The following TIMM10 variants were observed in gnomAD, a reference collection of about 807,000 sequenced individuals.
TIMM10 encodes mitochondrial import inner membrane translocase subunit Tim10.
Under a neutral mutation model 9.1 loss-of-function variants are expected in TIMM10, and 13 were observed. The ratio of observed to expected loss-of-function variants is 1.42; its 90% CI spans 0.93 to 2.26. TIMM10 has a LOEUF of 2.26. Ranked by LOEUF, TIMM10 falls within the 30% of genes most tolerant of loss-of-function variation. TIMM10 has a pLI of 0.00. For missense variants in TIMM10, 82 were observed against 113.6 expected, an observed-to-expected ratio of 0.72 and a Z score of 1.26; for synonymous variants, 40 against 42.1, an observed-to-expected ratio of 0.95 and a Z score of 0.20.
chr11:57,530,076 A>G lies in TIMM10; in HGVS notation c.71+43T>C. On this transcript the variant is annotated intron_variant, in intron 2 of 2. Transcript: ENST00000257245. ...TCATTCACCTTCGATAAGGGTGACC[A>G]AGACTTATTTTCCAAGACAGGGTAG... 5 of 1,607,782 alleles carry G rather than the reference A, an allele frequency of 3.1e-6. No individual in the cohort carries two copies. In the Middle Eastern group the frequency reaches 5.0e-4, roughly 160 times the overall value.
At position 57,528,733 on chromosome 11, in the gene TIMM10, C is replaced by T. The variant is rs765229184; in HGVS notation, c.257G>A (p.Ser86Asn). The T allele has an allele frequency of 3.1e-6, 5 of 1,613,700 alleles. No individual in the cohort carries two copies. Among genetic ancestry groups the T allele is most frequent in the Non-Finnish European group, 2.5e-6 (3 of 1,180,016 alleles). The change falls in exon 3 of 3, where the codon AGC becomes AAC. Residue 86 changes from serine to asparagine, a missense_variant. Physicochemically the swap from Ser to Asn is conservative, Grantham distance 46 (BLOSUM62 1). Transcript: ENST00000257245. ...DEELMKRVQQ[S>N]SGPA ...ACAGGGACCTCATGCAGGCCCAGAG[C>T]TCTGCTGCACCCTCTTCATCAGCTC...
chr11:57,530,481 C>A (rs1944788076), intron 1 of TIMM10, among the ~76,000 whole-genome samples, 177 bp downstream of exon 1: 1 of 152,198 alleles, frequency 6.6e-6, no homozygotes, highest in Admixed American at 6.5e-5. Context: ...CACCTCTATT[C>A]AGGAGATCGA....
rs10547275 is a variant in TIMM10 at position 57,528,483 on chromosome 11, TTATATATA to T, written c.*226_*233del. 89,178 of 150,138 alleles carry T rather than the reference TTATATATA, an allele frequency of 0.59. 25,781 individuals carry two copies. The highest frequency in any genetic ancestry group is 0.75 in the East Asian group (4,097 of 5,450). The allele number at this position is 150,138 out of a possible 1,614,324, so 9.3% of individuals were successfully genotyped here. A position where few individuals can be genotyped will look rare whatever the true frequency, so the allele number is the denominator to read the frequency against. On this transcript the variant is annotated 3_prime_UTR_variant, in exon 3 of 3. Transcript: ENST00000257245. ...ACATAGTAGGTGTCAACAAACTTGT[TTATATATA>T]TATATATATATATATATATATATAT...
intron 2 of TIMM10, 56 bp from the exon 3 acceptor site, chr11:57,528,974 C>T: frequency 6.3e-7 from 1 of 1,579,628 alleles, no homozygotes. Flanking sequence ...ATCCCAGGAA[C>T]CTTGACCATT....
chr11:57,529,020 A>G lies in TIMM10; in HGVS notation c.72-102T>C, dbSNP rs534036069. On this transcript the variant is annotated intron_variant, in intron 2 of 2. Coordinates refer to ENST00000257245, the MANE Select transcript of TIMM10 (RefSeq NM_012456.3). ...TATATTGATTTCACCTCCCCCAAGA[A>G]AGCAGTGTAAATCCTCAGTTTACAC... 2.0e-4 allele frequency: 254 copies of G among 1,245,844 alleles called. 4 individuals are homozygous for G. In the South Asian group the frequency reaches 3.1e-3, roughly 15 times the overall value. The allele number at this position is 1,245,844 out of a possible 1,614,324, so 77.2% of individuals were successfully genotyped here.
intron 2 of TIMM10, 21 bp from the exon 3 acceptor site, chr11:57,528,939 G>A (rs1254773679): frequency 6.2e-7 from 1 of 1,611,908 alleles, no homozygotes; most frequent in South Asian, 1.1e-5. Context: ...GGAGGGGCAA[G>A]GTCATGTCAG....
At position 57,530,736 on chromosome 11, in the gene TIMM10, G is replaced by A. The variant is rs893616048; in HGVS notation, c.-124C>T. On this transcript the variant is annotated 5_prime_UTR_variant, in exon 1 of 3. Coordinates refer to ENST00000257245, the MANE Select transcript of TIMM10 (RefSeq NM_012456.3). ...CTATAACGTTACCCGCCTCCCGAGA[G>A]GCTCCAGCGGAAGCACGTGGGTTAC... The A allele has an allele frequency of 2.0e-5, 3 of 152,678 alleles. No homozygotes were observed. Among genetic ancestry groups the A allele is most frequent in the African/African-American group, 7.2e-5 (3 of 41,470 alleles). The allele number at this position is 152,678 out of a possible 1,614,324, so 9.5% of individuals were successfully genotyped here.
At chr11:57,530,522 C>G in intron 1 of TIMM10, 136 bp downstream of exon 1, 1 of 304,188 alleles carries the variant, frequency 3.3e-6, no homozygotes, top group Non-Finnish European at 6.5e-6. Flanking sequence ...AACCCACGAA[C>G]CTGAACCTCC....
intron 2 of TIMM10, 74 bp from the exon 3 acceptor site, chr11:57,528,992 T>A: frequency 6.7e-7 from 1 of 1,491,550 alleles, no homozygotes; most frequent in Non-Finnish European, 9.3e-7. Context: ...ATTCCAGCCC[T>A]GCTATATTGA....
chr11:57,529,061 GTCCT>G, intron 2 of TIMM10, 143 bp from the exon 3 acceptor site: 1 of 829,264 alleles, frequency 1.2e-6, no homozygotes. Context: ...CCACTGGAAG[GTCCT>G]TGCAAGTAGG....
rs368127086 is a variant in TIMM10 at position 57,530,096 on chromosome 11, G to C, written c.71+23C>G. Reference sequence around the variant, plus strand: ...TGACCAAGACTTATTTTCCAAGACAGGGTAGCACATAGTTCTCTTTACCTG... The same window carrying C: ...TGACCAAGACTTATTTTCCAAGACACGGTAGCACATAGTTCTCTTTACCTG... On this transcript the variant is annotated intron_variant, in intron 2 of 2. Transcript: ENST00000257245. 1.2e-5 allele frequency: 19 copies of C among 1,612,922 alleles called. 1 individual carries two copies. The South Asian group carries it at 1.2e-4, about 10-fold the overall frequency.
In TIMM10 at chr11:57,528,689, C is replaced by T; in HGVS notation, c.*28G>A. ...TATTAAAGTGGGAAGGGGTGGGGTA[C>T]ACCCCAGGGTGTATACTGACAGGGA... is the stretch of plus-strand genomic sequence containing the variant. On this transcript the variant is annotated 3_prime_UTR_variant, in exon 3 of 3. Coordinates refer to ENST00000257245, the MANE Select transcript of TIMM10 (RefSeq NM_012456.3). The T allele has an allele frequency of 1.2e-6, 2 of 1,606,908 alleles. No homozygotes were observed. Among genetic ancestry groups the T allele is most frequent in the East Asian group, 2.2e-5 (1 of 44,820 alleles).
Position 57,528,521 on chromosome 11 carries a change from A to G in TIMM10, c.*196T>C, listed in dbSNP as rs2135252001. On this transcript the variant is annotated 3_prime_UTR_variant, in exon 3 of 3. Coordinates refer to ENST00000257245, the MANE Select transcript of TIMM10 (RefSeq NM_012456.3). ...TATATATATATATATATATATACAC[A>G]TACATACACACACAGTCACATTCCA... 7.1e-6 allele frequency: 3 copies of G among 422,660 alleles called. No homozygotes were observed. The highest frequency in any genetic ancestry group is 2.0e-5 in the African/African-American group (1 of 49,220). 26.2% of individuals were successfully genotyped at this position (422,660 alleles called of 1,614,324 possible). A position where few individuals can be genotyped will look rare whatever the true frequency, so the allele number is the denominator to read the frequency against.
Position 57,528,483 on chromosome 11 carries a change from TTATATATATATATATATATA to T in TIMM10, c.*214_*233del, listed in dbSNP as rs10547275. 5.3e-5 allele frequency: 8 copies of T among 150,344 alleles called. No individual in the cohort carries two copies. The highest frequency in any genetic ancestry group is 2.8e-4 in the Admixed American group (4 of 14,112). 9.3% of individuals were successfully genotyped at this position (150,344 alleles called of 1,614,324 possible). A position where few individuals can be genotyped will look rare whatever the true frequency, so the allele number is the denominator to read the frequency against. ...ACATAGTAGGTGTCAACAAACTTGT[TTATATATATATATATATATA>T]TATATATATATATACACATACATAC... On this transcript the variant is annotated 3_prime_UTR_variant, in exon 3 of 3. Transcript: ENST00000257245.
intron 2 of TIMM10, 109 bp from the exon 3 acceptor site, chr11:57,529,027 G>A: frequency 8.3e-7 from 1 of 1,203,296 alleles, no homozygotes; most frequent in Non-Finnish European, 1.2e-6. Context: ...AGAAAGCAGT[G>A]TAAATCCTCA....
At chr11:57,529,986 TG>T in intron 2 of TIMM10, 132 bp downstream of exon 2, 2 of 859,044 alleles carry the variant, frequency 2.3e-6, no homozygotes, top group Non-Finnish European at 3.8e-6. Context: ...ACCTTGAAGG[TG>T]GGTGTGGGGA....
intron 2 of TIMM10, 60 bp from the exon 3 acceptor site, chr11:57,528,978 G>A (rs1280420993): frequency 7.0e-6 from 11 of 1,562,518 alleles, no homozygotes; most frequent in Non-Finnish European, 9.7e-6. Flanking sequence ...CAGGAACCTT[G>A]ACCATTCCAG....
In TIMM10 at chr11:57,530,249, C is replaced by A; in HGVS notation, c.-45-15G>T. 1 of 1,547,450 alleles carries A rather than the reference C, an allele frequency of 6.5e-7. No homozygotes were observed. The highest frequency in any genetic ancestry group is 1.1e-5 in the South Asian group (1 of 89,674). On this transcript the variant is annotated splice_polypyrimidine_tract_variant and intron_variant, in intron 1 of 2. Coordinates refer to ENST00000257245, the MANE Select transcript of TIMM10 (RefSeq NM_012456.3). ...GCCTCCTAATCCTGGGAGCAGACAT[C>A]ACCATCAGCACCCACCGCCGCCGTT...
At chr11:57,529,004 T>C in intron 2 of TIMM10, 86 bp from the exon 3 acceptor site, 1 of 1,384,030 alleles carries the variant, frequency 7.2e-7, no homozygotes, top group Non-Finnish European at 1.0e-6. Flanking sequence ...CTATATTGAT[T>C]TCACCTCCCC....
Sources: gnomAD v4.1 joint callset for allele counts (sites outside exome capture counted in the v4.1 genomes callset) on GRCh38, gnomAD v4.1.1 for gene constraint, MANE v1.5 for transcripts, NCBI Gene and HGNC (gene_info 2026-07-23, HGNC 2026-07-21) for gene names.